Variants in UBE2D2 observed in about 807,000 individuals in gnomAD.
The protein encoded by UBE2D2 is ubiquitin conjugating enzyme E2 D2, also known as ubiquitin-conjugating enzyme E2 D2.
A neutral mutation model predicts 24.2 loss-of-function variants in UBE2D2; 2 were observed. The ratio of observed to expected loss-of-function variants is 0.08; its 90% CI spans 0.03 to 0.26. The LOEUF (loss-of-function observed/expected upper bound fraction) is 0.26. Ranked by LOEUF, UBE2D2 falls within the 10% of genes least tolerant of loss-of-function variation. The pLI is 1.00. For missense variants in UBE2D2, 44 were observed against 177.6 expected (o/e 0.25, Z 4.28); for synonymous variants, 58 against 56.5 (o/e 1.03, Z -0.12).
At chr5:139,553,009 G>A (rs953535028) in intron 1 of UBE2D2, among the ~76,000 whole-genome samples, 15 of 151,610 alleles carry the variant, frequency 9.9e-5, no homozygotes, top group Non-Finnish European at 1.5e-4. Flanking sequence ...AGTAGAGACC[G>A]GGTTTCTCCA....
intron 1 of UBE2D2, among the ~76,000 whole-genome samples, chr5:139,550,591 G>A (rs1284048091): frequency 1.3e-5 from 2 of 151,894 alleles, no homozygotes; most frequent in Admixed American, 1.3e-4. Context: ...TTGTTTTTTT[G>A]ATCTTTGAGA....
At chr5:139,581,802 G>T (rs1384453675) in intron 1 of UBE2D2, among the ~76,000 whole-genome samples, 1 of 151,952 alleles carries the variant, frequency 6.6e-6, no homozygotes, top group African/African-American at 2.4e-5. Flanking sequence ...CCGAGTAGCT[G>T]GGATTACAGG....
At chr5:139,526,590 G>A (rs1049634116) in exon 1 of UBE2D2, 36 of 152,310 alleles carry the variant, frequency 2.4e-4, no homozygotes, top group African/African-American at 7.7e-4. Context: ...CTGGCACTTG[G>A]GAGTCCGGAC....
intron 1 of UBE2D2, among the ~76,000 whole-genome samples, chr5:139,597,774 A>G (rs911896214): frequency 1.5e-4 from 23 of 152,264 alleles, no homozygotes; most frequent in Non-Finnish European, 1.5e-5. Context: ...TGGGAACTAT[A>G]CAGTAGGCTA....
At chr5:139,551,604 A>G (rs766803744) in intron 1 of UBE2D2, among the ~76,000 whole-genome samples, 2 of 152,230 alleles carry the variant, frequency 1.3e-5, no homozygotes. Flanking sequence ...TAATGAATTC[A>G]TTCAACAAGT....
intron 5 of UBE2D2, among the ~76,000 whole-genome samples, chr5:139,621,588 C>T (rs965147698): frequency 2.0e-5 from 3 of 150,822 alleles, no homozygotes; most frequent in Non-Finnish European, 4.4e-5. Flanking sequence ...TTATGGTTGT[C>T]GTTTTTGCTA....
At chr5:139,619,599 C>G (rs1031222836) in intron 5 of UBE2D2, among the ~76,000 whole-genome samples, 19 of 152,252 alleles carry the variant, frequency 1.2e-4, no homozygotes, top group Admixed American at 3.3e-4. Context: ...TGCGGTGGCT[C>G]ACTCTTGTAA....
chr5:139,625,957 T>A (rs937151203), intron 6 of UBE2D2, among the ~76,000 whole-genome samples: 2 of 152,016 alleles, frequency 1.3e-5, no homozygotes, highest in Non-Finnish European at 2.9e-5. Context: ...CTGCTTACTT[T>A]ATTCAAATGT....
chr5:139,609,909 T>A (rs981595122), intron 2 of UBE2D2, among the ~76,000 whole-genome samples: 2 of 151,538 alleles, frequency 1.3e-5, no homozygotes, highest in Non-Finnish European at 2.9e-5. Context: ...GTAGCTGGGA[T>A]TACAGGCACC....
At chr5:139,573,117 T>C (rs1372870321) in intron 1 of UBE2D2, among the ~76,000 whole-genome samples, 3 of 151,480 alleles carry the variant, frequency 2.0e-5, no homozygotes, top group Admixed American at 1.3e-4. Flanking sequence ...CTGGCTAACA[T>C]GGTGAAACCC....
chr5:139,566,434 G>A (rs1411580597), intron 1 of UBE2D2, among the ~76,000 whole-genome samples: 3 of 152,024 alleles, frequency 2.0e-5, no homozygotes, highest in African/African-American at 7.2e-5. Context: ...AGCACTTTGG[G>A]AGGCCCAGGT....
chr5:139,574,308 A>G (rs1223032673), intron 1 of UBE2D2, among the ~76,000 whole-genome samples: 1 of 151,640 alleles, frequency 6.6e-6, no homozygotes, highest in Non-Finnish European at 1.5e-5. Flanking sequence ...TAAAATTTAG[A>G]AGAAAAATAT....
chr5:139,596,991 G>T (rs1753976450), intron 1 of UBE2D2, among the ~76,000 whole-genome samples: 1 of 151,830 alleles, frequency 6.6e-6, no homozygotes, highest in Non-Finnish European at 1.5e-5. Context: ...AGCTTGCAGT[G>T]AGCCAAGATC....
rs79395084 is a variant in UBE2D2 at position 139,548,666 on chromosome 5, G to A, written c.-64+22054G>A. ...TTATCGAGCATTTCCTTCACACCAC[G>A]AACTTTATACACACCACTTGTTATT... On this transcript the variant is annotated intron_variant, in intron 1 of 6. Coordinates refer to the UBE2D2 transcript ENST00000511725. 7.8e-3 allele frequency among the ~76,000 whole-genome samples: 1,180 copies of A among 151,990 alleles called. 8 individuals carry two copies. The highest frequency in any genetic ancestry group is 0.041 in the Middle Eastern group (12 of 294).
chr5:139,603,133 C>CT (rs1357876454), intron 2 of UBE2D2, among the ~76,000 whole-genome samples: 1 of 152,178 alleles, frequency 6.6e-6, no homozygotes, highest in African/African-American at 2.4e-5. Flanking sequence ...TCAGTGTACT[C>CT]TTTCTATTCA....
intron 5 of UBE2D2, among the ~76,000 whole-genome samples, chr5:139,622,378 G>A (rs1469022251): frequency 6.6e-6 from 1 of 151,150 alleles, no homozygotes; most frequent in African/African-American, 2.4e-5. Flanking sequence ...CTGAGTAGCT[G>A]GGACTACAGG....
At chr5:139,602,695 A>G (rs891991529) in intron 2 of UBE2D2, among the ~76,000 whole-genome samples, 19 of 152,116 alleles carry the variant, frequency 1.2e-4, no homozygotes, top group Non-Finnish European at 2.1e-4. Flanking sequence ...AACAACAACA[A>G]CAACAACAAA....
chr5:139,572,063 T>A (rs1753362534), intron 1 of UBE2D2, among the ~76,000 whole-genome samples: 1 of 152,202 alleles, frequency 6.6e-6, no homozygotes, highest in African/African-American at 2.4e-5. Flanking sequence ...TATTCACTGT[T>A]CTGGAACTAT....
upstream of UBE2D2, among the ~76,000 whole-genome samples, chr5:139,560,858 C>T (rs759809064): frequency 2.6e-5 from 4 of 152,122 alleles, no homozygotes; most frequent in Non-Finnish European, 5.9e-5. Flanking sequence ...GAGACATCTC[C>T]CTCGTGGCAG....
Sources: allele counts gnomAD v4.1 joint callset (sites outside exome capture counted in the v4.1 genomes callset), GRCh38; gene constraint gnomAD v4.1.1; transcripts MANE v1.5; gene names NCBI Gene and HGNC (gene_info 2026-07-23, HGNC 2026-07-21).